ZEB1: variants seen among roughly 807,000 people sequenced by gnomAD.
ZEB1 encodes the protein zinc finger E-box-binding homeobox 1.
A neutral mutation model predicts 84.9 loss-of-function variants in ZEB1; 21 were observed. The ratio of observed to expected loss-of-function variants is 0.25; its 90% CI spans 0.18 to 0.36. The LOEUF (loss-of-function observed/expected upper bound fraction) is 0.36, where lower values mean the gene tolerates loss of function less well. Ranked by LOEUF, ZEB1 falls within the 10% of genes least tolerant of loss-of-function variation. The pLI, the probability that ZEB1 is intolerant of heterozygous loss-of-function variation, is 1.00. For missense variants in ZEB1, 1,104 were observed against 1,330.2 expected, an observed-to-expected ratio of 0.83 and a Z score of 2.65; for synonymous variants, 420 against 471.1, an observed-to-expected ratio of 0.89 and a Z score of 1.41.
In ZEB1 at chr10:31,521,189, A is replaced by G. The variant is rs2072261926; in HGVS notation, c.1857A>G (p.Val619=). 1 of 1,613,236 alleles carries G rather than the reference A, an allele frequency of 6.2e-7. No homozygotes were observed. The highest frequency in any genetic ancestry group is 8.5e-7 in the Non-Finnish European group (1 of 1,179,228). Reference sequence around the variant, plus strand: ...AGCTCTCAAAAATTGCTGATTCAGTAAACCTACCACTGGATGTAGTAAAAA... The same window carrying G: ...AGCTCTCAAAAATTGCTGATTCAGTGAACCTACCACTGGATGTAGTAAAAA... ...AEELSKIADS[V]NLPLDVVKKW... Residue 619 remains valine (V), a synonymous_variant, in exon 7 of 9, where the codon GTA becomes GTG. Coordinates refer to ENST00000424869, the MANE Select transcript of ZEB1 (RefSeq NM_001174096.2).
chr10:31,509,545 C>T (rs983339080), intron 4 of ZEB1, among the ~76,000 whole-genome samples: 5 of 152,170 alleles, frequency 3.3e-5, no homozygotes, highest in African/African-American at 1.2e-4. Context: ...TGCCTCTATT[C>T]AGCCATCTTG....
At chr10:31,419,994 A>G (rs1232691282) in intron 1 of ZEB1, among the ~76,000 whole-genome samples, 2 of 152,120 alleles carry the variant, frequency 1.3e-5, no homozygotes, top group African/African-American at 4.8e-5. Flanking sequence ...CTAGGTGAAG[A>G]TGAGATCTCT....
At chr10:31,418,891 T>G (rs1285380426) in intron 1 of ZEB1, among the ~76,000 whole-genome samples, 1 of 152,116 alleles carries the variant, frequency 6.6e-6, no homozygotes, top group African/African-American at 2.4e-5. Flanking sequence ...CAGTGGAACA[T>G]TTTTAGATTT....
intron 1 of ZEB1, among the ~76,000 whole-genome samples, chr10:31,447,790 T>C (rs1041204202): frequency 2.4e-4 from 36 of 152,338 alleles, no homozygotes; most frequent in African/African-American, 8.4e-4. Context: ...CAGCTGTTAG[T>C]CTGATGGGCT....
At chr10:31,336,277 A>G (rs572477213) in intron 1 of ZEB1, among the ~76,000 whole-genome samples, 18 of 152,294 alleles carry the variant, frequency 1.2e-4, no homozygotes, top group Middle Eastern at 3.4e-3. Flanking sequence ...CTGTGATGGC[A>G]CTGGGATTGC....
chr10:31,358,185 G>C (rs2042411466), intron 1 of ZEB1: 1 of 152,180 alleles, frequency 6.6e-6, no homozygotes, highest in African/African-American at 2.4e-5. Context: ...TTGACCACTG[G>C]GAGAGATGTG....
intron 1 of ZEB1, among the ~76,000 whole-genome samples, chr10:31,395,442 T>C (rs1014161125): frequency 3.9e-5 from 6 of 152,196 alleles, no homozygotes; most frequent in Non-Finnish European, 8.8e-5. Flanking sequence ...AAGGCATTGT[T>C]TTTCCAACAT....
At chr10:31,441,561 T>C (rs1173865198) in intron 1 of ZEB1, among the ~76,000 whole-genome samples, 2 of 151,980 alleles carry the variant, frequency 1.3e-5, no homozygotes, top group East Asian at 3.9e-4. Flanking sequence ...ACAAATGGGA[T>C]CTAATTAAAC....
At chr10:31,448,430 A>G (rs1358141315) in intron 1 of ZEB1, among the ~76,000 whole-genome samples, 12 of 146,084 alleles carry the variant, frequency 8.2e-5, no homozygotes, top group Admixed American at 4.0e-4. Flanking sequence ...GTCATTCTCC[A>G]TCCAGCTTTG....
intron 2 of ZEB1, among the ~76,000 whole-genome samples, chr10:31,494,306 C>A (rs1286396757): frequency 6.6e-6 from 1 of 151,970 alleles, no homozygotes; most frequent in Non-Finnish European, 1.5e-5. Context: ...TAAAATGAGA[C>A]TTCAGCAGAA....
At chr10:31,337,770 C>A (rs1298451948) in intron 1 of ZEB1, among the ~76,000 whole-genome samples, 1 of 147,962 alleles carries the variant, frequency 6.8e-6, no homozygotes, top group Non-Finnish European at 1.5e-5. Flanking sequence ...ACTGCTGCCT[C>A]CGTCTCCCCG....
rs189105266 is a variant in ZEB1 at position 31,328,404 on chromosome 10, G to A, written c.58+9112G>A. ...TTAAATGAAGCATATGACGCATTGTGCCTAATACATGTTTTAAGTTTTCAA... is the reference window on the plus strand; with the variant it reads ...TTAAATGAAGCATATGACGCATTGTACCTAATACATGTTTTAAGTTTTCAA... On this transcript the variant is annotated intron_variant, in intron 1 of 8. Coordinates refer to ENST00000424869, the MANE Select transcript of ZEB1 (RefSeq NM_001174096.2). Among the ~76,000 whole-genome samples the A allele has an allele frequency of 1.2e-4, 18 of 152,212 alleles. No homozygotes were observed. The East Asian group carries it at 3.5e-3, about 29-fold the overall frequency.
At chr10:31,412,139 T>C (rs898664804) in intron 1 of ZEB1, among the ~76,000 whole-genome samples, 5 of 152,238 alleles carry the variant, frequency 3.3e-5, no homozygotes, top group African/African-American at 1.2e-4. Flanking sequence ...AATATCTTAT[T>C]TTCCTCTCTT....
At chr10:31,409,297 G>A (rs553202187) in intron 1 of ZEB1, among the ~76,000 whole-genome samples, 1 of 152,168 alleles carries the variant, frequency 6.6e-6, no homozygotes, top group South Asian at 2.1e-4. Context: ...CACTGTTGGT[G>A]GGACTGTAAA....
At chr10:31,389,260 A>T (rs1041008261) in intron 1 of ZEB1, among the ~76,000 whole-genome samples, 1 of 152,152 alleles carries the variant, frequency 6.6e-6, no homozygotes, top group African/African-American at 2.4e-5. Context: ...GATCATAGGT[A>T]GGAGGGAAAA....
chr10:31,390,830 GCTT>G (rs2049516240), intron 1 of ZEB1, among the ~76,000 whole-genome samples: 1 of 152,196 alleles, frequency 6.6e-6, no homozygotes, highest in Non-Finnish European at 1.5e-5. Flanking sequence ...TCTCCTAAGA[GCTT>G]CTTTTACAGA....
intron 2 of ZEB1, among the ~76,000 whole-genome samples, chr10:31,479,914 A>G (rs988236402): frequency 6.6e-6 from 1 of 152,032 alleles, no homozygotes; most frequent in Non-Finnish European, 1.5e-5. Context: ...AGAAGAAAGT[A>G]TAAGTTGGCA....
intron 1 of ZEB1, among the ~76,000 whole-genome samples, chr10:31,413,199 C>T (rs1057080257): frequency 6.6e-6 from 1 of 152,054 alleles, no homozygotes; most frequent in Non-Finnish European, 1.5e-5. Flanking sequence ...CTAAAACATA[C>T]AACATTAGTA....
chr10:31,488,988 T>A (rs1368763321), intron 2 of ZEB1, among the ~76,000 whole-genome samples: 1 of 151,270 alleles, frequency 6.6e-6, no homozygotes, highest in Non-Finnish European at 1.5e-5. Flanking sequence ...TTGGATCTAG[T>A]TGTTAATGTT....
Sources: allele counts gnomAD v4.1 joint callset (sites outside exome capture counted in the v4.1 genomes callset), GRCh38; gene constraint gnomAD v4.1.1; transcripts MANE v1.5; gene names NCBI Gene and HGNC (gene_info 2026-07-23, HGNC 2026-07-21).